RBFOX1: variants seen among roughly 807,000 people sequenced by gnomAD.
RBFOX1 encodes RNA binding fox-1 homolog 1, also known as RNA binding protein fox-1 homolog 1.
A neutral mutation model predicts 57.7 loss-of-function variants in RBFOX1; 8 were observed. The observed-to-expected ratio is 0.14, with a 90% CI of 0.08 to 0.25. The LOEUF (loss-of-function observed/expected upper bound fraction) is 0.25. Ranked by LOEUF, RBFOX1 falls within the 10% of genes least tolerant of loss-of-function variation. The pLI is 1.00. For synonymous variants in RBFOX1, 326 were observed against 222.4 expected (o/e 1.47, Z -4.15); for missense variants, 611 against 548.5 (o/e 1.11, Z -1.14).
At chr16:5,656,180 T>G (rs1018386257) in intron 3 of RBFOX1, among the ~76,000 whole-genome samples, 1 of 152,182 alleles carries the variant, frequency 6.6e-6, no homozygotes, top group Non-Finnish European at 1.5e-5. Context: ...TAGGTGCATG[T>G]GTGTAGGCAA....
At chr16:6,358,780 C>T (rs748785993) in intron 2 of RBFOX1, among the ~76,000 whole-genome samples, 5 of 152,150 alleles carry the variant, frequency 3.3e-5, no homozygotes, top group Non-Finnish European at 7.3e-5. Context: ...GGATATGCTA[C>T]ATTGCTTCTG....
upstream of RBFOX1, among the ~76,000 whole-genome samples, chr16:6,018,618 G>A (rs2095015311): frequency 6.6e-6 from 1 of 152,124 alleles, no homozygotes; most frequent in African/African-American, 2.4e-5. Context: ...CCAGCCTGGA[G>A]AACTTTTTGA....
chr16:5,879,370 A>G (rs190324112), intron 4 of RBFOX1, among the ~76,000 whole-genome samples: 6 of 152,286 alleles, frequency 3.9e-5, no homozygotes, highest in African/African-American at 1.2e-4. Context: ...CTCATGTCCT[A>G]GAGAAAAGTG....
intron 2 of RBFOX1, among the ~76,000 whole-genome samples, chr16:5,513,235 T>C (rs2043670317): frequency 6.6e-6 from 1 of 152,160 alleles, no homozygotes; most frequent in African/African-American, 2.4e-5. Flanking sequence ...TTAATGACCT[T>C]GATGGTTTTC....
intron 2 of RBFOX1, among the ~76,000 whole-genome samples, chr16:6,638,462 G>T (rs78079950): frequency 6.6e-6 from 1 of 151,996 alleles, no homozygotes; most frequent in Non-Finnish European, 1.5e-5. Flanking sequence ...CAAGGGCCAC[G>T]CATTGAGACT....
At chr16:6,341,560 G>C (rs558513736) in intron 2 of RBFOX1, among the ~76,000 whole-genome samples, 1 of 152,198 alleles carries the variant, frequency 6.6e-6, no homozygotes, top group African/African-American at 2.4e-5. Context: ...TTGCTTTAAA[G>C]ATAATAATGC....
chr16:6,102,649 G>A (rs891529803), intron 1 of RBFOX1, among the ~76,000 whole-genome samples: 2 of 151,894 alleles, frequency 1.3e-5, no homozygotes, highest in Non-Finnish European at 2.9e-5. Flanking sequence ...GTAAAGCATT[G>A]TCTTTCAGAT....
At chr16:6,222,968 G>C (rs1194980891) in intron 1 of RBFOX1, among the ~76,000 whole-genome samples, 1 of 151,278 alleles carries the variant, frequency 6.6e-6, no homozygotes, top group Non-Finnish European at 1.5e-5. Context: ...TGTTGTCCTT[G>C]CGATAGTTTA....
At chr16:5,873,025 C>T (rs1232876652) in intron 4 of RBFOX1, among the ~76,000 whole-genome samples, 1 of 151,990 alleles carries the variant, frequency 6.6e-6, no homozygotes, top group Non-Finnish European at 1.5e-5. Context: ...GTGGCACGCA[C>T]CTGTAGTCCT....
At chr16:7,529,676 A>G (rs1012543682) in intron 5 of RBFOX1, among the ~76,000 whole-genome samples, 2 of 152,180 alleles carry the variant, frequency 1.3e-5, no homozygotes, top group African/African-American at 2.4e-5. Context: ...CTCTGAAGAT[A>G]CTGAATTTAC....
intron 3 of RBFOX1, among the ~76,000 whole-genome samples, chr16:5,820,420 G>A (rs1004056187): frequency 1.3e-5 from 2 of 152,178 alleles, no homozygotes; most frequent in South Asian, 2.1e-4. Context: ...CCATCCCGGT[G>A]ACCCCGGCCA....
intron 4 of RBFOX1, among the ~76,000 whole-genome samples, chr16:7,384,658 T>C (rs760643098): frequency 2.6e-5 from 4 of 152,128 alleles, no homozygotes; most frequent in East Asian, 1.9e-4. Context: ...GTGGAGAGAA[T>C]ATAAGGTAAA....
intron 3 of RBFOX1, among the ~76,000 whole-genome samples, chr16:5,831,681 G>T (rs958558354): frequency 1.3e-5 from 2 of 151,820 alleles, no homozygotes; most frequent in Non-Finnish European, 2.9e-5. Context: ...TAGAGACGGG[G>T]TTTCACCATG....
intron 4 of RBFOX1, among the ~76,000 whole-genome samples, chr16:5,967,975 C>T (rs8050038): frequency 0.71 from 107,997 of 152,074 alleles, 39,751 homozygotes; most frequent in African/African-American, 0.92. Context: ...TTACTTATGA[C>T]TACTTTGCTT....
chr16:6,802,109 GA>G (rs1327790852), intron 3 of RBFOX1, among the ~76,000 whole-genome samples: 7 of 152,060 alleles, frequency 4.6e-5, no homozygotes, highest in Non-Finnish European at 1.0e-4. Context: ...GTCCTGTTAA[GA>G]AATCCTTCAG....
At chr16:7,407,003 A>G (rs945902600) in intron 4 of RBFOX1, among the ~76,000 whole-genome samples, 5 of 152,128 alleles carry the variant, frequency 3.3e-5, no homozygotes, top group African/African-American at 1.2e-4. Flanking sequence ...GACCCAAGTG[A>G]GTATGCTGAC....
At chr16:5,322,999 A>C (rs2064456121) in intron 1 of RBFOX1, among the ~76,000 whole-genome samples, 1 of 146,754 alleles carries the variant, frequency 6.8e-6, no homozygotes, top group Non-Finnish European at 1.5e-5. Context: ...CTTCAAAGTC[A>C]GACCTGACTC....
chr16:5,924,761 C>T (rs1209693511), intron 4 of RBFOX1, among the ~76,000 whole-genome samples: 1 of 152,144 alleles, frequency 6.6e-6, no homozygotes, highest in Admixed American at 6.5e-5. Flanking sequence ...TCATTCTGAC[C>T]ATGTGAGTCT....
intron 2 of RBFOX1, among the ~76,000 whole-genome samples, chr16:6,537,740 TAAGAG>T (rs554768398): frequency 3.1e-3 from 471 of 152,286 alleles, no homozygotes; most frequent in Middle Eastern, 0.02. Flanking sequence ...TTATAGCAGA[TAAGAG>T]AAGATAATGT....
Sources: gnomAD v4.1 joint callset for allele counts (sites outside exome capture counted in the v4.1 genomes callset) on GRCh38, gnomAD v4.1.1 for gene constraint, MANE v1.5 for transcripts, NCBI Gene and HGNC (gene_info 2026-07-23, HGNC 2026-07-21) for gene names.